SYT16: variants seen among roughly 807,000 people sequenced by gnomAD.
SYT16 encodes synaptotagmin 16, also known as synaptotagmin-16.
A neutral mutation model predicts 61.4 loss-of-function variants in SYT16; 42 were observed. The ratio of observed to expected loss-of-function variants is 0.68; its 90% CI spans 0.53 to 0.89. The LOEUF (loss-of-function observed/expected upper bound fraction) is 0.89. Ranked by LOEUF, SYT16 falls within the 40% of genes least tolerant of loss-of-function variation. SYT16 has a pLI of 0.00. For synonymous variants in SYT16, 314 were observed against 302.3 expected (o/e 1.04, Z -0.40); for missense variants, 804 against 807.3 (o/e 1.00, Z 0.05).
At chr14:61,839,485 A>G (rs2046235759) in intron 1 of SYT16, among the ~76,000 whole-genome samples, 1 of 152,214 alleles carries the variant, frequency 6.6e-6, no homozygotes, top group Non-Finnish European at 1.5e-5. Context: ...GAGGAGTTAT[A>G]TATAAGTCAG....
intron 1 of SYT16, among the ~76,000 whole-genome samples, chr14:61,881,539 A>G (rs1378818238): frequency 6.6e-6 from 1 of 152,144 alleles, no homozygotes; most frequent in Non-Finnish European, 1.5e-5. Flanking sequence ...CCATTTTGAA[A>G]CACTTCATTT....
intron 1 of SYT16, among the ~76,000 whole-genome samples, chr14:61,818,594 C>T (rs905478382): frequency 1.3e-5 from 2 of 150,316 alleles, no homozygotes; most frequent in African/African-American, 4.9e-5. Flanking sequence ...AGGAGAATCG[C>T]TTGAACCTGG....
intron 3 of SYT16, among the ~76,000 whole-genome samples, chr14:62,013,322 G>A (rs569649299): frequency 1.3e-5 from 2 of 152,278 alleles, no homozygotes; most frequent in African/African-American, 4.8e-5. Context: ...TCCCAAAGGG[G>A]GTTGAAGTGC....
In SYT16 at chr14:62,104,977, T is replaced by C. The variant is rs2057488002; in HGVS notation, c.*4270T>C. On this transcript the variant is annotated 3_prime_UTR_variant, in exon 8 of 8. Transcript: ENST00000683842. ...AGATGTGTCTTCTTTTTCTAGCAAATGTTATTATAACACTAGAGAAAAACA... is the reference window on the plus strand; with the variant it reads ...AGATGTGTCTTCTTTTTCTAGCAAACGTTATTATAACACTAGAGAAAAACA... 6.6e-6 allele frequency: 1 copy of C among 152,172 alleles called. No individual in the cohort carries two copies. Among genetic ancestry groups the C allele is most frequent in the African/African-American group, 2.4e-5 (1 of 41,442 alleles). 9.4% of individuals were successfully genotyped at this position (152,172 alleles called of 1,614,324 possible).
chr14:62,023,812 G>C (rs894933216), intron 3 of SYT16, among the ~76,000 whole-genome samples: 1 of 152,038 alleles, frequency 6.6e-6, no homozygotes, highest in African/African-American at 2.4e-5. Flanking sequence ...TTTTTTAATC[G>C]TGTAGTCTTG....
chr14:62,109,345 G>C lies in SYT16; in HGVS notation c.*8638G>C, dbSNP rs200963268. 2 of 148,742 alleles carry C rather than the reference G, an allele frequency of 1.3e-5. No individual in the cohort carries two copies. Among genetic ancestry groups the C allele is most frequent in the Non-Finnish European group, 3.0e-5 (2 of 67,062 alleles). The allele number at this position is 148,742 out of a possible 1,614,324, so 9.2% of individuals were successfully genotyped here. On this transcript the variant is annotated 3_prime_UTR_variant, in exon 8 of 8. Transcript: ENST00000683842. ...AAGTTTTCATGTCTTTTTATGGCTT[G>C]ATAGTTCATTTATTTTAAGTGCTGA...
chr14:62,015,685 G>T (rs2053643998), intron 3 of SYT16, among the ~76,000 whole-genome samples: 1 of 152,154 alleles, frequency 6.6e-6, no homozygotes, highest in Admixed American at 6.5e-5. Context: ...GGCCCCAGAA[G>T]CCGCCTTGCC....
intron 1 of SYT16, among the ~76,000 whole-genome samples, 169 bp from the exon 2 acceptor site, chr14:61,969,963 C>T (rs1335658756): frequency 6.6e-6 from 1 of 152,166 alleles, no homozygotes; most frequent in Admixed American, 6.6e-5. Flanking sequence ...TTCCTTTCCC[C>T]AGTACACAGT....
chr14:62,053,130 C>G (rs933086837), intron 3 of SYT16, among the ~76,000 whole-genome samples: 28 of 152,162 alleles, frequency 1.8e-4, no homozygotes, highest in African/African-American at 5.1e-4. Flanking sequence ...AAGAGGAGAG[C>G]TCTAGAGAAA....
intron 3 of SYT16, among the ~76,000 whole-genome samples, chr14:62,046,338 A>G (rs1302083823): frequency 6.6e-6 from 1 of 151,994 alleles, no homozygotes; most frequent in East Asian, 1.9e-4. Flanking sequence ...AGTTCATTGT[A>G]GATTCTGGAT....
intron 3 of SYT16, among the ~76,000 whole-genome samples, chr14:62,014,467 A>C (rs2053586620): frequency 6.6e-6 from 1 of 151,338 alleles, no homozygotes; most frequent in South Asian, 2.1e-4. Flanking sequence ...TGCTTGGTCT[A>C]TTCCAATAAT....
chr14:62,051,640 T>A (rs1361725840), intron 3 of SYT16, among the ~76,000 whole-genome samples: 1 of 152,250 alleles, frequency 6.6e-6, no homozygotes, highest in East Asian at 1.9e-4. Context: ...CTTTTTAAAA[T>A]TGCATAGTTG....
chr14:62,049,781 A>G (rs958455995), intron 3 of SYT16, among the ~76,000 whole-genome samples: 2 of 151,638 alleles, frequency 1.3e-5, no homozygotes, highest in African/African-American at 2.4e-5. Context: ...AAATTCTTTA[A>G]GAATGTTGAA....
At chr14:61,980,253 A>G (rs527432596) in intron 2 of SYT16, among the ~76,000 whole-genome samples, 1 of 152,146 alleles carries the variant, frequency 6.6e-6, no homozygotes, top group Admixed American at 6.5e-5. Context: ...TTCTCTCACT[A>G]TGGGTTACAT....
chr14:61,926,678 TCTTAA>T (rs1181635117), intron 1 of SYT16, among the ~76,000 whole-genome samples: 1 of 152,140 alleles, frequency 6.6e-6, no homozygotes, highest in Non-Finnish European at 1.5e-5. Flanking sequence ...AAGTGGAAAT[TCTTAA>T]CTTGGACTTT....
chr14:62,077,033 ACTCGG>A (rs2056521151), intron 5 of SYT16, among the ~76,000 whole-genome samples: 5 of 152,186 alleles, frequency 3.3e-5, no homozygotes, highest in Admixed American at 3.3e-4. Flanking sequence ...CTCAAATCCA[ACTCGG>A]AGGCAGTTCC....
At chr14:61,875,741 A>G (rs908681362) in intron 1 of SYT16, among the ~76,000 whole-genome samples, 4 of 152,168 alleles carry the variant, frequency 2.6e-5, no homozygotes, top group African/African-American at 9.7e-5. Context: ...CATTGGTACC[A>G]AACCATGCAT....
At chr14:62,046,411 C>G (rs1368298240) in intron 3 of SYT16, among the ~76,000 whole-genome samples, 8 of 152,012 alleles carry the variant, frequency 5.3e-5, no homozygotes, top group Admixed American at 1.3e-4. Context: ...GTTGCCTGTT[C>G]ACTCTGATGG....
Position 61,967,566 on chromosome 14 carries a change from G to A in SYT16, c.-324-2566G>A, listed in dbSNP as rs973214690. On this transcript the variant is annotated intron_variant, in intron 1 of 7. Transcript: ENST00000683842. ...TTCGCAGTCCTTAACTCGAGGTTTT[G>A]TAACTCGAATCTCTGCCCTGGGCTT... Among the ~76,000 whole-genome samples the A allele has an allele frequency of 5.3e-5, 8 of 152,218 alleles. No individual in the cohort carries two copies. The East Asian group carries it at 5.8e-4, about 11-fold the overall frequency.
Sources: gnomAD v4.1 joint callset for allele counts (sites outside exome capture counted in the v4.1 genomes callset) on GRCh38, gnomAD v4.1.1 for gene constraint, MANE v1.5 for transcripts, NCBI Gene and HGNC (gene_info 2026-07-23, HGNC 2026-07-21) for gene names.